The following TMEM74 variants were observed in gnomAD, a reference collection of about 807,000 sequenced individuals.
TMEM74 encodes the protein transmembrane protein 74.
TMEM74 carries 13 observed loss-of-function variants against 18.1 expected under a neutral mutation model. The observed-to-expected ratio is 0.72, with a 90% CI of 0.47 to 1.14. The LOEUF is 1.14. TMEM74 is among the 50% of genes most tolerant of loss of function. The probability of loss-of-function intolerance (pLI) is 0.00; values close to 1 mark genes in which losing one functional copy is unlikely to be tolerated. For missense variants in TMEM74, 372 were observed against 375.9 expected, an observed-to-expected ratio of 0.99 and a Z score of 0.09; for synonymous variants, 159 against 146.6, an observed-to-expected ratio of 1.08 and a Z score of -0.61.
intron 1 of TMEM74, among the ~76,000 whole-genome samples, chr8:108,731,777 ATG>A (rs1209572125): frequency 1.3e-5 from 2 of 152,118 alleles, no homozygotes; most frequent in Non-Finnish European, 2.9e-5. Flanking sequence ...TAATTTCTTA[ATG>A]TTTGATTATT....
At chr8:108,686,330 C>G (rs1813167102) in intron 1 of TMEM74, among the ~76,000 whole-genome samples, 1 of 152,066 alleles carries the variant, frequency 6.6e-6, no homozygotes, top group Non-Finnish European at 1.5e-5. Context: ...TCCCCAGTAG[C>G]TGGGACTACA....
At chr8:108,724,559 A>T (rs1161437113) in intron 1 of TMEM74, among the ~76,000 whole-genome samples, 1 of 152,098 alleles carries the variant, frequency 6.6e-6, no homozygotes, top group African/African-American at 2.4e-5. Flanking sequence ...AGATGATTAA[A>T]TTTTTTCCTT....
rs201199308 is a variant in TMEM74, at chr8:108,784,971, T to C, written c.128A>G (p.Gln43Arg). 2.5e-6 allele frequency: 4 copies of C among 1,614,146 alleles called. No individual in the cohort carries two copies. The highest frequency in any genetic ancestry group is 1.6e-4 in the Middle Eastern group (1 of 6,062). Residue 43 changes from glutamine (Q) to arginine (R), a missense_variant, in exon 2 of 2, where the codon CAG becomes CGG. Physicochemically the swap from Gln to Arg is conservative, Grantham distance 43. Transcript: ENST00000297459. ...TAATRAALCCQKQCASTPRAT... is the reference protein window; with the variant it reads ...TAATRAALCCRKQCASTPRAT... ...TCTTGGGGTGGATGCACACTGTTTCTGACAGCAGAGAGCAGCTCTTGTGGC... is the reference window on the plus strand; with the variant it reads ...TCTTGGGGTGGATGCACACTGTTTCCGACAGCAGAGAGCAGCTCTTGTGGC...
intron 1 of TMEM74, among the ~76,000 whole-genome samples, chr8:108,749,844 G>A (rs1016288358): frequency 6.6e-6 from 1 of 152,106 alleles, no homozygotes; most frequent in African/African-American, 2.4e-5. Flanking sequence ...TTAGAAAAAT[G>A]ATGTCAGATT....
At chr8:108,724,413 A>G (rs543203229) in intron 1 of TMEM74, among the ~76,000 whole-genome samples, 1 of 152,304 alleles carries the variant, frequency 6.6e-6, no homozygotes, top group South Asian at 2.1e-4. Flanking sequence ...TATGAAATCA[A>G]GTTGGATTTT....
At chr8:108,722,469 G>A (rs368009689) in intron 1 of TMEM74, among the ~76,000 whole-genome samples, 1 of 152,156 alleles carries the variant, frequency 6.6e-6, no homozygotes, top group Non-Finnish European at 1.5e-5. Flanking sequence ...AAACTCACCC[G>A]ATTTTTAATG....
At chr8:108,695,226 G>T (rs1813268924) in intron 1 of TMEM74, among the ~76,000 whole-genome samples, 1 of 152,116 alleles carries the variant, frequency 6.6e-6, no homozygotes, top group Admixed American at 6.6e-5. Flanking sequence ...CTTCATCTGG[G>T]CTTGAACTGA....
At chr8:108,657,853 AAAAAAAATATATATATATATATATATAT>A (rs1812852171) in intron 1 of TMEM74, among the ~76,000 whole-genome samples, 1 of 52,956 alleles carries the variant, frequency 1.9e-5, no homozygotes, top group African/African-American at 8.8e-5. Context: ...AAAAAAAAAA[AAAAAAAATATATATATATATATATATAT>A]ATATATATAT....
intron 2 of TMEM74, among the ~76,000 whole-genome samples, chr8:108,625,040 TTC>T (rs1451352918): frequency 6.6e-6 from 1 of 152,026 alleles, no homozygotes; most frequent in Non-Finnish European, 1.5e-5. Flanking sequence ...CCACAGAATG[TTC>T]TGTCTTGTTA....
At chr8:108,756,598 GA>G (rs1563543601) in intron 1 of TMEM74, among the ~76,000 whole-genome samples, 157 of 49,108 alleles carry the variant, frequency 3.2e-3, no homozygotes, top group African/African-American at 0.012. Flanking sequence ...GAAAGAAAGA[GA>G]AAGGAAGGAA....
At chr8:108,754,801 G>C (rs1813940415) in intron 1 of TMEM74, among the ~76,000 whole-genome samples, 1 of 151,844 alleles carries the variant, frequency 6.6e-6, no homozygotes, top group Non-Finnish European at 1.5e-5. Context: ...ATATAGTTCA[G>C]TCCAAGTCCA....
intron 1 of TMEM74, among the ~76,000 whole-genome samples, chr8:108,763,466 A>G (rs1814068267): frequency 6.6e-6 from 1 of 152,164 alleles, no homozygotes; most frequent in Non-Finnish European, 1.5e-5. Context: ...ATATTCACCA[A>G]TTTTGGAGAT....
intron 1 of TMEM74, among the ~76,000 whole-genome samples, chr8:108,757,224 A>G (rs1327701853): frequency 1.3e-5 from 2 of 152,026 alleles, no homozygotes; most frequent in African/African-American, 4.8e-5. Flanking sequence ...ACTGTTTGCA[A>G]TAAGAACAGT....
chr8:108,635,105 C>A (rs1330191432), intron 2 of TMEM74, among the ~76,000 whole-genome samples: 4 of 151,946 alleles, frequency 2.6e-5, no homozygotes, highest in Non-Finnish European at 5.9e-5. Context: ...GCCTTCCCTA[C>A]TCAAGTGGCC....
chr8:108,723,287 G>T (rs1813603589), intron 1 of TMEM74, among the ~76,000 whole-genome samples: 1 of 152,118 alleles, frequency 6.6e-6, no homozygotes. Flanking sequence ...ATTAATTTAG[G>T]TTCAGTCTGA....
chr8:108,777,373 G>A (rs1814245296), downstream of TMEM74, among the ~76,000 whole-genome samples: 1 of 152,190 alleles, frequency 6.6e-6, no homozygotes, highest in Non-Finnish European at 1.5e-5. Context: ...CACATAGAAA[G>A]AGTAACTACA....
At chr8:108,655,405 G>A (rs572057498) in exon 2 of TMEM74, 39 of 151,920 alleles carry the variant, frequency 2.6e-4, no homozygotes, top group African/African-American at 8.9e-4. Context: ...AGGAGTTCAT[G>A]ATCAGCCTAG....
intron 2 of TMEM74, among the ~76,000 whole-genome samples, chr8:108,627,424 C>T (rs1329023961): frequency 1.3e-5 from 2 of 151,966 alleles, no homozygotes; most frequent in Admixed American, 1.3e-4. Context: ...GAGCTGTGTG[C>T]TTTAAGTAAG....
At chr8:108,774,819 C>T (rs1336138757), downstream of TMEM74, among the ~76,000 whole-genome samples, 2 of 147,192 alleles carry the variant, frequency 1.4e-5, no homozygotes, top group Non-Finnish European at 1.5e-5. Flanking sequence ...GGCAGGTCTC[C>T]AACTCCTGGC....
Sources: gnomAD v4.1 joint callset for allele counts (sites outside exome capture counted in the v4.1 genomes callset) on GRCh38, gnomAD v4.1.1 for gene constraint, MANE v1.5 for transcripts, NCBI Gene and HGNC (gene_info 2026-07-23, HGNC 2026-07-21) for gene names.